Variants in MDGA2 observed in about 807,000 individuals in gnomAD.
MDGA2 encodes MAM domain containing glycosylphosphatidylinositol anchor 2, also known as MAM domain-containing glycosylphosphatidylinositol anchor protein 2.
MDGA2 carries 40 observed loss-of-function variants against 117.8 expected under a neutral mutation model. That is an observed-to-expected ratio of 0.34 (90% confidence interval 0.26 to 0.44). The LOEUF (loss-of-function observed/expected upper bound fraction) is 0.44, where lower values mean the gene tolerates loss of function less well. MDGA2 is among the 20% of genes least tolerant of loss of function. The pLI, the probability that MDGA2 is intolerant of heterozygous loss-of-function variation, is 1.00. For synonymous variants in MDGA2, 452 were observed against 439.0 expected, an observed-to-expected ratio of 1.03 and a Z score of -0.37; for missense variants, 1,123 against 1,250.6, an observed-to-expected ratio of 0.90 and a Z score of 1.54.
At chr14:47,195,965 C>T (rs755519461) in intron 3 of MDGA2, among the ~76,000 whole-genome samples, 28 of 151,934 alleles carry the variant, frequency 1.8e-4, no homozygotes, top group Admixed American at 9.2e-4. Flanking sequence ...TAAATATATC[C>T]TATTTTGGCA....
At position 47,568,722 on chromosome 14, in the gene MDGA2, T is replaced by C. The variant is rs185821399; in HGVS notation, c.280+105795A>G. 9.7e-3 allele frequency among the ~76,000 whole-genome samples: 1,470 copies of C among 152,328 alleles called. 17 individuals carry two copies. The highest frequency in any genetic ancestry group is 0.016 in the Non-Finnish European group (1,113 of 68,016). ...AATCGTTATAGTCTATAAAAAATAA[T>C]CCTGTTATATTGTAAATTGTTGCTG... On this transcript the variant is annotated intron_variant, in intron 1 of 16. Coordinates refer to ENST00000399232, the MANE Select transcript of MDGA2 (RefSeq NM_001113498.3).
At chr14:47,605,237 C>A (rs1288426352) in intron 1 of MDGA2, among the ~76,000 whole-genome samples, 2 of 151,942 alleles carry the variant, frequency 1.3e-5, no homozygotes, top group Admixed American at 6.6e-5. Context: ...CCCATGAATT[C>A]ATTTAAATTT....
intron 9 of MDGA2, among the ~76,000 whole-genome samples, chr14:46,954,642 T>C (rs1885494793): frequency 2.0e-5 from 3 of 152,076 alleles, no homozygotes; most frequent in South Asian, 2.1e-4. Context: ...CTCTCTCTTA[T>C]AAGAATACAT....
intron 1 of MDGA2, among the ~76,000 whole-genome samples, chr14:47,425,438 T>C (rs561929736): frequency 2.0e-4 from 31 of 152,256 alleles, no homozygotes; most frequent in Non-Finnish European, 4.3e-4. Flanking sequence ...CCAAGAATGC[T>C]TTCTAACAGA....
At chr14:47,085,021 G>T (rs993099835) in intron 6 of MDGA2, among the ~76,000 whole-genome samples, 2 of 151,920 alleles carry the variant, frequency 1.3e-5, no homozygotes, top group African/African-American at 4.8e-5. Context: ...AAACCCATGT[G>T]TTTGAAACTT....
chr14:46,975,146 C>G (rs886994882), intron 8 of MDGA2, among the ~76,000 whole-genome samples: 2 of 151,830 alleles, frequency 1.3e-5, no homozygotes, highest in African/African-American at 4.8e-5. Flanking sequence ...CAATGAGATG[C>G]CATTTAATAT....
chr14:47,632,213 AT>A (rs1383117760), intron 1 of MDGA2, among the ~76,000 whole-genome samples: 1 of 152,128 alleles, frequency 6.6e-6, no homozygotes, highest in Non-Finnish European at 1.5e-5. Flanking sequence ...CCTGCACAAA[AT>A]TTTATCATCC....
chr14:47,478,888 G>T (rs371828555), intron 1 of MDGA2, among the ~76,000 whole-genome samples: 10 of 152,162 alleles, frequency 6.6e-5, no homozygotes, highest in African/African-American at 2.2e-4. Flanking sequence ...TGAAGCCTTT[G>T]AAATGATAAG....
intron 1 of MDGA2, among the ~76,000 whole-genome samples, chr14:47,536,506 A>G (rs1352527863): frequency 1.3e-5 from 2 of 152,266 alleles, no homozygotes; most frequent in Non-Finnish European, 2.9e-5. Flanking sequence ...CTTAAGAGTT[A>G]AGAGTTTACA....
chr14:47,314,850 C>T (rs893973214), intron 1 of MDGA2, among the ~76,000 whole-genome samples: 2 of 151,836 alleles, frequency 1.3e-5, no homozygotes, highest in African/African-American at 4.8e-5. Context: ...ATGACCAATA[C>T]AAAAATGGTA....
intron 15 of MDGA2, among the ~76,000 whole-genome samples, chr14:46,853,767 TATAATA>T (rs796425375): frequency 5.9e-5 from 9 of 151,938 alleles, no homozygotes; most frequent in African/African-American, 2.2e-4. Context: ...AAAGTATATC[TATAATA>T]ATATCAACTT....
intron 14 of MDGA2, among the ~76,000 whole-genome samples, chr14:46,862,899 C>T (rs984142719): frequency 2.0e-5 from 3 of 151,988 alleles, no homozygotes; most frequent in African/African-American, 7.2e-5. Flanking sequence ...CATATAATTG[C>T]AGTGCTATCC....
At chr14:47,619,905 TCA>T in intron 1 of MDGA2, among the ~76,000 whole-genome samples, 2 of 152,288 alleles carry the variant, frequency 1.3e-5, no homozygotes, top group South Asian at 4.1e-4. Flanking sequence ...CCTGACTGAC[TCA>T]CAGATTGATC....
At chr14:47,026,975 C>T (rs1391760885) in intron 8 of MDGA2, among the ~76,000 whole-genome samples, 2 of 151,868 alleles carry the variant, frequency 1.3e-5, no homozygotes, top group African/African-American at 4.8e-5. Flanking sequence ...AGTTTGAATC[C>T]AGGCTGGGCA....
chr14:47,067,156 A>G (rs777430317), intron 6 of MDGA2, among the ~76,000 whole-genome samples: 1 of 152,158 alleles, frequency 6.6e-6, no homozygotes. Flanking sequence ...TAACAAATAA[A>G]GTTTGAAAAT....
intron 9 of MDGA2, among the ~76,000 whole-genome samples, chr14:46,943,326 A>AT (rs201398324): frequency 6.8e-4 from 103 of 150,376 alleles, no homozygotes; most frequent in East Asian, 4.1e-3. Flanking sequence ...TAGATAGTGC[A>AT]TTTTTTTTTC....
At chr14:47,569,459 A>C (rs1895979622) in intron 1 of MDGA2, among the ~76,000 whole-genome samples, 1 of 152,098 alleles carries the variant, frequency 6.6e-6, no homozygotes, top group Non-Finnish European at 1.5e-5. Flanking sequence ...TGGGGAACAG[A>C]TTTTCTGTCT....
chr14:47,008,891 T>C (rs73241222), intron 8 of MDGA2, among the ~76,000 whole-genome samples: 209 of 152,116 alleles, frequency 1.4e-3, no homozygotes, highest in African/African-American at 4.8e-3. Context: ...AAATGTTTAT[T>C]TCTCCCTGAG....
chr14:47,267,978 T>C (rs763380987), intron 2 of MDGA2, among the ~76,000 whole-genome samples: 1 of 152,198 alleles, frequency 6.6e-6, no homozygotes, highest in Non-Finnish European at 1.5e-5. Flanking sequence ...CCTTGAGTTT[T>C]AAACATTATT....
Sources: gnomAD v4.1 joint callset for allele counts (sites outside exome capture counted in the v4.1 genomes callset) on GRCh38, gnomAD v4.1.1 for gene constraint, MANE v1.5 for transcripts, NCBI Gene and HGNC (gene_info 2026-07-23, HGNC 2026-07-21) for gene names.